The following KLHL21 variants were observed in gnomAD, a reference collection of about 807,000 sequenced individuals.
The protein encoded by KLHL21 is kelch like family member 21, also known as kelch-like protein 21.
KLHL21 carries 42 observed loss-of-function variants against 44.1 expected under a neutral mutation model. The ratio of observed to expected loss-of-function variants is 0.95; its 90% CI spans 0.74 to 1.23. KLHL21 has a LOEUF of 1.23. Ranked by LOEUF, KLHL21 falls within the 50% of genes most tolerant of loss-of-function variation. The pLI is 0.00. For missense variants in KLHL21, 918 were observed against 889.1 expected, an observed-to-expected ratio of 1.03 and a Z score of -0.41; for synonymous variants, 524 against 411.6, an observed-to-expected ratio of 1.27 and a Z score of -3.31.
intron 2 of KLHL21, among the ~76,000 whole-genome samples, chr1:6,596,875 G>A (rs1176228781): frequency 6.6e-6 from 1 of 152,216 alleles, no homozygotes; most frequent in Non-Finnish European, 1.5e-5. Context: ...CATGGACAAC[G>A]GCTGAGGCTG....
chr1:6,594,246 T>G (rs1640894117), intron 3 of KLHL21: 1 of 206,144 alleles, frequency 4.9e-6, no homozygotes, highest in Non-Finnish European at 8.5e-6. Flanking sequence ...GTAGGCAATA[T>G]GATGTGTACC....
chr1:6,596,355 C>A (rs1187044063), intron 2 of KLHL21, among the ~76,000 whole-genome samples: 1 of 152,136 alleles, frequency 6.6e-6, no homozygotes, highest in African/African-American at 2.4e-5. Context: ...CTCTTGAACC[C>A]GGGAGGCGGA....
Position 6,593,416 on chromosome 1 carries a change from G to C in KLHL21, c.1743C>G (p.Asp581Glu). Residue 581 changes from aspartate (D) to glutamate (E), a missense_variant, in exon 4 of 4, where the codon GAC becomes GAG. By Grantham distance (45) the Asp-to-Glu change is conservative. Transcript: ENST00000377658. ...RGFELDSGSD[D>E]MDPGRPRPPR... ...GCGGCCGGGGTCGGCCTGGGTCCAT[G>C]TCATCGCTGCCACTGTCCAACTCGA... 1 of 1,611,430 alleles carries C rather than the reference G, an allele frequency of 6.2e-7. No homozygotes were observed. The highest frequency in any genetic ancestry group is 8.5e-7 in the Non-Finnish European group (1 of 1,179,212).
intron 1 of KLHL21, 43 bp from the exon 2 acceptor site, chr1:6,599,495 G>A (rs1640983056): frequency 1.9e-6 from 3 of 1,559,956 alleles, no homozygotes; most frequent in South Asian, 2.4e-5. Context: ...CCACTCAGGT[G>A]AGTCACCCAC....
At chr1:6,600,864 A>C (rs1047892270) in intron 1 of KLHL21, among the ~76,000 whole-genome samples, 1 of 152,252 alleles carries the variant, frequency 6.6e-6, no homozygotes, top group Non-Finnish European at 1.5e-5. Flanking sequence ...GACTCAGAGC[A>C]GCAGGCTAAG....
chr1:6,601,885 C>A lies in KLHL21; in HGVS notation c.933G>T (p.Thr311=), dbSNP rs1364041243. The part of the protein sequence containing the change: ...LVTVDCYNPQ[T]GQWRYLAEFP... The stretch of plus-strand genomic sequence containing the variant: ...ACTCGGCCAGGTAGCGCCACTGACC[C>A]GTCTGCGGGTTGTAGCAGTCGACAG... Residue 311 remains threonine, a synonymous_variant, in exon 1 of 4, where the codon ACG becomes ACT. Coordinates refer to ENST00000377658, the MANE Select transcript of KLHL21 (RefSeq NM_014851.4). 6.4e-7 allele frequency: 1 copy of A among 1,570,658 alleles called. No homozygotes were observed.
Position 6,598,614 on chromosome 1 carries a change from G to A in KLHL21, c.1427+433C>T, listed in dbSNP as rs1232364837. On this transcript the variant is annotated intron_variant, in intron 2 of 3. Transcript: ENST00000377658. ...CAAAAAAAAACAGACCGGGTGCAGT[G>A]GCTCACGCCCGTAATCCCAGCACTT... Among the ~76,000 whole-genome samples the A allele has an allele frequency of 2.6e-5, 4 of 152,038 alleles. No individual in the cohort carries two copies. The East Asian group carries it at 7.7e-4, about 29-fold the overall frequency.
Position 6,602,006 on chromosome 1 carries a change from C to A in KLHL21, c.812G>T (p.Gly271Val). 1 of 1,542,504 alleles carries A rather than the reference C, an allele frequency of 6.5e-7. No individual in the cohort carries two copies. The highest frequency in any genetic ancestry group is 1.7e-4 in the Middle Eastern group (1 of 5,798). The change falls in exon 1 of 4, where the codon GGG becomes GTG. Residue 271 changes from glycine (G) to valine (V), a missense_variant. Physicochemically the swap from Gly to Val is moderately radical, Grantham distance 109. Coordinates refer to ENST00000377658, the MANE Select transcript of KLHL21 (RefSeq NM_014851.4). ...QAARYDRHDR[G>V]PCPRMRPRPS... Reference sequence around the variant, plus strand: ...GCGAGGACGCATTCGGGGACAGGGCCCGCGGTCGTGGCGGTCGTAGCGCGC... The same window carrying A: ...GCGAGGACGCATTCGGGGACAGGGCACGCGGTCGTGGCGGTCGTAGCGCGC...
Position 6,599,253 on chromosome 1 carries a change from G to A in KLHL21, c.1221C>T (p.Pro407=). 1.2e-6 allele frequency: 2 copies of A among 1,614,116 alleles called. No homozygotes were observed. The highest frequency in any genetic ancestry group is 1.7e-6 in the Non-Finnish European group (2 of 1,180,026). Residue 407 remains proline, a synonymous_variant, in exon 2 of 4, where the codon CCC becomes CCT. Transcript: ENST00000377658. ...HTTDSWEALQ[P]MTYPMDNCST... is the part of the protein sequence containing the mutation. Reference sequence around the variant, plus strand: ...AGCAGTTGTCCATGGGGTAGGTCATGGGCTGCAGGGCCTCCCAGGAGTCAG... The same window carrying A: ...AGCAGTTGTCCATGGGGTAGGTCATAGGCTGCAGGGCCTCCCAGGAGTCAG...
In KLHL21 at chr1:6,590,728, T is replaced by C; in HGVS notation, c.*2637A>G. 2.6e-6 allele frequency: 1 copy of C among 380,978 alleles called. No individual in the cohort carries two copies. Among genetic ancestry groups the C allele is most frequent in the Non-Finnish European group, 4.6e-6 (1 of 215,104 alleles). 23.6% of individuals were successfully genotyped at this position (380,978 alleles called of 1,614,324 possible). A position where few individuals can be genotyped will look rare whatever the true frequency, so the allele number is the denominator to read the frequency against. On this transcript the variant is annotated 3_prime_UTR_variant, in exon 4 of 4. Coordinates refer to ENST00000377658, the MANE Select transcript of KLHL21 (RefSeq NM_014851.4). ...GACAAAGGCAATGACTCCAAATGGA[T>C]AGGAAATACTTTTATTGCAAAAAGT... is the stretch of plus-strand genomic sequence containing the variant.
intron 1 of KLHL21, among the ~76,000 whole-genome samples, chr1:6,600,774 GGGACAC>G (rs1165802236): frequency 2.0e-5 from 3 of 152,232 alleles, no homozygotes; most frequent in Non-Finnish European, 4.4e-5. Flanking sequence ...GAAGAGGGGA[GGGACAC>G]GGTCCCCAAT....
Position 6,600,635 on chromosome 1 carries a change from C to A in KLHL21, c.1021+1162G>T, listed in dbSNP as rs112332096. 2.6e-3 allele frequency among the ~76,000 whole-genome samples: 402 copies of A among 152,352 alleles called. 2 individuals are homozygous for A. The highest frequency in any genetic ancestry group is 9.2e-3 in the African/African-American group (383 of 41,580). On this transcript the variant is annotated intron_variant, in intron 1 of 3. Transcript: ENST00000377658. ...AAGGCAGCTGAAAGGAATGAACCAG[C>A]CACCTGCCTAAACCCAAGGGATTAA... is the stretch of plus-strand genomic sequence containing the variant.
chr1:6,598,204 G>A (rs1364334342), intron 2 of KLHL21, among the ~76,000 whole-genome samples: 1 of 152,212 alleles, frequency 6.6e-6, no homozygotes, highest in Non-Finnish European at 1.5e-5. Context: ...GGCAGGAAAT[G>A]TGAGACGATT....
chr1:6,596,498 G>A (rs535826217), intron 2 of KLHL21, among the ~76,000 whole-genome samples: 138 of 152,322 alleles, frequency 9.1e-4, no homozygotes, highest in South Asian at 4.3e-3. Flanking sequence ...ACCTGACACG[G>A]CAGCACAAAA....
In KLHL21 at chr1:6,590,867, T is replaced by C; in HGVS notation, c.*2498A>G. On this transcript the variant is annotated 3_prime_UTR_variant, in exon 4 of 4. Coordinates refer to ENST00000377658, the MANE Select transcript of KLHL21 (RefSeq NM_014851.4). ...TCTGGGGTGAACTGGATGTGGACAC[T>C]GGAGGGAGGGCGTCCTTTATTACAT... 5.0e-6 allele frequency: 2 copies of C among 398,518 alleles called. No homozygotes were observed. The highest frequency in any genetic ancestry group is 8.8e-6 in the Non-Finnish European group (2 of 225,992). 24.7% of individuals were successfully genotyped at this position (398,518 alleles called of 1,614,324 possible).
Position 6,599,025 on chromosome 1 carries a change from GGGCTC to G in KLHL21, c.1427+17_1427+21del, listed in dbSNP as rs764743022. On this transcript the variant is annotated intron_variant, in intron 2 of 3. Coordinates refer to ENST00000377658, the MANE Select transcript of KLHL21 (RefSeq NM_014851.4). ...GGTAAGAGACACCAAACACACAGTG[GGGCTC>G]GGCACCTGGAACTCACCTGACAAAG... The G allele has an allele frequency of 6.5e-7, 1 of 1,549,656 alleles. No individual in the cohort carries two copies. The highest frequency in any genetic ancestry group is 8.7e-7 in the Non-Finnish European group (1 of 1,145,158).
chr1:6,596,938 G>A (rs1031115476), intron 2 of KLHL21, among the ~76,000 whole-genome samples: 1 of 152,260 alleles, frequency 6.6e-6, no homozygotes, highest in Non-Finnish European at 1.5e-5. Flanking sequence ...AAGACAGGTG[G>A]TGTTCTGGGC....
At chr1:6,600,272 C>T (rs374803474) in intron 1 of KLHL21, among the ~76,000 whole-genome samples, 5 of 152,230 alleles carry the variant, frequency 3.3e-5, no homozygotes, top group African/African-American at 7.2e-5. Context: ...TCTCGAACTC[C>T]TGAGCTGAAG....
Position 6,602,676 on chromosome 1 carries a change from G to A in KLHL21, c.142C>T (p.Pro48Ser). The part of the protein sequence containing the change: ...TLEAAGGRDF[P>S]AHRAVLAAAS... Reference sequence around the variant, plus strand: ...GCGGCCAGCACCGCACGGTGCGCCGGGAAGTCGCGCCCGCCCGCCGCCTCC... The same window carrying A: ...GCGGCCAGCACCGCACGGTGCGCCGAGAAGTCGCGCCCGCCCGCCGCCTCC... The change falls in exon 1 of 4, where the codon CCG becomes TCG. Residue 48 changes from proline to serine, a missense_variant. By Grantham distance (74) the Pro-to-Ser change is moderately conservative. Transcript: ENST00000377658. The A allele has an allele frequency of 6.6e-7, 1 of 1,512,332 alleles. No individual in the cohort carries two copies. Among genetic ancestry groups the A allele is most frequent in the Non-Finnish European group, 8.8e-7 (1 of 1,137,918 alleles). 93.7% of individuals were successfully genotyped at this position (1,512,332 alleles called of 1,614,324 possible). A position where few individuals can be genotyped will look rare whatever the true frequency, so the allele number is the denominator to read the frequency against.
Sources: allele counts gnomAD v4.1 joint callset (sites outside exome capture counted in the v4.1 genomes callset), GRCh38; gene constraint gnomAD v4.1.1; transcripts MANE v1.5; gene names NCBI Gene and HGNC (gene_info 2026-07-23, HGNC 2026-07-21).